CWC27: variants seen among roughly 807,000 people sequenced by gnomAD.
The protein encoded by CWC27 is spliceosome-associated protein CWC27 homolog.
In CWC27, 47 loss-of-function variants were observed where a neutral mutation model predicts 63.6. The observed-to-expected ratio is 0.74, with a 90% CI of 0.58 to 0.94. CWC27 has a LOEUF of 0.94. Among genes scored for constraint, CWC27 ranks in the 40% least tolerant of loss-of-function variants. CWC27 has a pLI of 0.00. For missense variants in CWC27, 495 were observed against 554.3 expected, an observed-to-expected ratio of 0.89 and a Z score of 1.07; for synonymous variants, 175 against 179.8, an observed-to-expected ratio of 0.97 and a Z score of 0.22.
intron 11 of CWC27, among the ~76,000 whole-genome samples, chr5:64,899,270 C>T (rs1747449005): frequency 6.6e-6 from 1 of 152,314 alleles, no homozygotes; most frequent in East Asian, 1.9e-4. Context: ...TAAAATTCCA[C>T]TGCAAAATGA....
rs1744746992 is a variant in CWC27 at position 64,807,969 on chromosome 5, A to G, written c.938+3583A>G. 2.8e-6 allele frequency: 4 copies of G among 1,415,204 alleles called. No individual in the cohort carries two copies. In the South Asian group the frequency reaches 6.3e-5, roughly 22 times the overall value. 87.7% of individuals were successfully genotyped at this position (1,415,204 alleles called of 1,614,324 possible). A position where few individuals can be genotyped will look rare whatever the true frequency, so the allele number is the denominator to read the frequency against. On this transcript the variant is annotated intron_variant, in intron 10 of 13. Transcript: ENST00000381070. ...CCACTCCACTGAAACTACTTCCACT[A>G]AGGCCATCTAGTTGATAATCGACTG...
chr5:64,951,075 AG>A (rs1307140546), intron 11 of CWC27, among the ~76,000 whole-genome samples: 1 of 151,904 alleles, frequency 6.6e-6, no homozygotes, highest in African/African-American at 2.4e-5. Flanking sequence ...AAGCTGTTAT[AG>A]CACTAATTTA....
intron 11 of CWC27, among the ~76,000 whole-genome samples, chr5:64,938,339 C>G (rs997158235): frequency 6.6e-6 from 1 of 152,052 alleles, no homozygotes; most frequent in African/African-American, 2.4e-5. Context: ...GTCTGTAAAG[C>G]ATTTTCTTTC....
At position 64,769,028 on chromosome 5, in the gene CWC27, A is replaced by G. The variant is rs1190432226; in HGVS notation, c.-119A>G. ...TCCCTGTCTTGCGTGATATTGACAAACTGAAGCTTTCCTGCACCACTGGAC... is the reference window on the plus strand; with the variant it reads ...TCCCTGTCTTGCGTGATATTGACAAGCTGAAGCTTTCCTGCACCACTGGAC... On this transcript the variant is annotated 5_prime_UTR_variant, in exon 1 of 14. Transcript: ENST00000381070. The G allele has an allele frequency of 2.4e-6, 2 of 830,490 alleles. No individual in the cohort carries two copies. Among genetic ancestry groups the G allele is most frequent in the Non-Finnish European group, 4.1e-6 (2 of 492,376 alleles). 51.4% of individuals were successfully genotyped at this position (830,490 alleles called of 1,614,324 possible). A position where few individuals can be genotyped will look rare whatever the true frequency, so the allele number is the denominator to read the frequency against.
intron 10 of CWC27, among the ~76,000 whole-genome samples, chr5:64,812,946 A>G (rs563411924): frequency 1.3e-5 from 2 of 152,270 alleles, no homozygotes; most frequent in East Asian, 3.9e-4. Flanking sequence ...CCAGATTTAA[A>G]AGGGTTGAAC....
At chr5:65,013,216 G>T (rs1380027770) in intron 13 of CWC27, among the ~76,000 whole-genome samples, 1 of 152,194 alleles carries the variant, frequency 6.6e-6, no homozygotes. Context: ...ATCAGTATTT[G>T]GTGAGCTGTG....
At chr5:64,785,360 A>G in intron 4 of CWC27, 121 bp from the exon 5 acceptor site, 3 of 464,254 alleles carry the variant, frequency 6.5e-6, no homozygotes, top group Non-Finnish European at 7.5e-6. Context: ...AAATGCATAT[A>G]TTTTTATGTA....
At chr5:64,977,834 T>C (rs1749256299) in intron 13 of CWC27, among the ~76,000 whole-genome samples, 1 of 151,854 alleles carries the variant, frequency 6.6e-6, no homozygotes. Flanking sequence ...GGAATAAAAA[T>C]TGTGTTTTTC....
chr5:64,914,141 A>G (rs188737027), intron 11 of CWC27, among the ~76,000 whole-genome samples: 2 of 152,304 alleles, frequency 1.3e-5, no homozygotes, highest in Admixed American at 1.3e-4. Context: ...CTTTTAACTC[A>G]CACCAGACAT....
intron 10 of CWC27, among the ~76,000 whole-genome samples, chr5:64,813,443 T>G (rs115908276): frequency 4.6e-5 from 7 of 152,280 alleles, no homozygotes; most frequent in African/African-American, 1.7e-4. Context: ...ATGACAACCC[T>G]ACTGTTTTTA....
intron 11 of CWC27, among the ~76,000 whole-genome samples, chr5:64,891,219 T>G (rs114242267): frequency 0.018 from 2,677 of 152,280 alleles, 46 homozygotes; most frequent in African/African-American, 0.05. Context: ...ACCTAATTAG[T>G]TAAAAAAATT....
At chr5:64,968,088 G>C (rs1749051285) in intron 11 of CWC27, among the ~76,000 whole-genome samples, 1 of 151,832 alleles carries the variant, frequency 6.6e-6, no homozygotes, top group Admixed American at 6.6e-5. Context: ...AAAATTAATA[G>C]ACAAAAGATT....
Position 64,823,319 on chromosome 5 carries a change from G to A in CWC27, c.938+18933G>A, listed in dbSNP as rs957213676. On this transcript the variant is annotated intron_variant, in intron 10 of 13. Coordinates refer to ENST00000381070, the MANE Select transcript of CWC27 (RefSeq NM_005869.4). The stretch of plus-strand genomic sequence containing the variant: ...TCTGATACTCTCTTCCAACCATGGC[G>A]TATTTCAAAGTAAAATTAAAAATTA... Among the ~76,000 whole-genome samples, 11 of 152,100 alleles carry A rather than the reference G, an allele frequency of 7.2e-5. 1 individual carries two copies. Among genetic ancestry groups the A allele is most frequent in the Admixed American group, 2.6e-4 (4 of 15,260 alleles).
intron 10 of CWC27, among the ~76,000 whole-genome samples, chr5:64,825,364 C>G (rs939886779): frequency 6.6e-6 from 1 of 152,138 alleles, no homozygotes; most frequent in Non-Finnish European, 1.5e-5. Flanking sequence ...GTCTCAACTT[C>G]TGTGAAAGTT....
chr5:64,847,965 T>C (rs764962230), intron 10 of CWC27, among the ~76,000 whole-genome samples: 2 of 146,148 alleles, frequency 1.4e-5, no homozygotes, highest in Non-Finnish European at 3.0e-5. Flanking sequence ...CTCAAGGAAA[T>C]AGGAAAAAGA....
At chr5:64,837,742 C>T (rs1265953249) in intron 10 of CWC27, among the ~76,000 whole-genome samples, 1 of 151,746 alleles carries the variant, frequency 6.6e-6, no homozygotes, top group Admixed American at 6.6e-5. Flanking sequence ...AGGTTTACAA[C>T]TTAGTTAAGC....
At chr5:64,978,656 C>A (rs1749276595) in intron 13 of CWC27, among the ~76,000 whole-genome samples, 1 of 136,982 alleles carries the variant, frequency 7.3e-6, no homozygotes, top group Non-Finnish European at 1.6e-5. Flanking sequence ...GTCTCAAAAT[C>A]TCTTTCAAAT....
intron 10 of CWC27, among the ~76,000 whole-genome samples, chr5:64,865,447 G>A (rs1019765568): frequency 6.6e-6 from 1 of 151,928 alleles, no homozygotes; most frequent in Non-Finnish European, 1.5e-5. Flanking sequence ...GGAAAGAAAG[G>A]ATATTCATGA....
intron 10 of CWC27, among the ~76,000 whole-genome samples, chr5:64,843,525 C>A (rs1463099771): frequency 3.3e-5 from 5 of 151,942 alleles, no homozygotes; most frequent in Non-Finnish European, 7.4e-5. Flanking sequence ...GACATAACTC[C>A]CAGGAGAGAT....
Sources: allele counts gnomAD v4.1 joint callset (sites outside exome capture counted in the v4.1 genomes callset), GRCh38; gene constraint gnomAD v4.1.1; transcripts MANE v1.5; gene names NCBI Gene and HGNC (gene_info 2026-07-23, HGNC 2026-07-21).